GNPDA2: variants seen among roughly 807,000 people sequenced by gnomAD.
The protein encoded by GNPDA2 is glcN6P deaminase 2.
A neutral mutation model predicts 27.0 loss-of-function variants in GNPDA2; 24 were observed. The observed-to-expected ratio is 0.89, with a 90% CI of 0.64 to 1.25. GNPDA2 has a LOEUF of 1.25. Ranked by LOEUF, GNPDA2 falls within the 50% of genes most tolerant of loss-of-function variation. The pLI, the probability that GNPDA2 is intolerant of heterozygous loss-of-function variation, is 0.00. For missense variants in GNPDA2, 286 were observed against 335.1 expected, an observed-to-expected ratio of 0.85 and a Z score of 1.14; for synonymous variants, 94 against 108.4, an observed-to-expected ratio of 0.87 and a Z score of 0.83.
Position 44,702,651 on chromosome 4 carries a change from T to G in GNPDA2, c.*430A>C, listed in dbSNP as rs891960703. On this transcript the variant is annotated 3_prime_UTR_variant, in exon 7 of 7. Coordinates refer to ENST00000295448, the MANE Select transcript of GNPDA2 (RefSeq NM_138335.3). ...GCATGTGTGTGATGCACAGAAAATA[T>G]AAAGATTGCATTCCAAAAGTGAAGG... 2.0e-6 allele frequency: 2 copies of G among 1,014,020 alleles called. No homozygotes were observed. The highest frequency in any genetic ancestry group is 1.2e-6 in the Non-Finnish European group (1 of 849,720). 62.8% of individuals were successfully genotyped at this position (1,014,020 alleles called of 1,614,324 possible).
chr4:44,714,732 A>G, intron 4 of GNPDA2: 1 of 860,464 alleles, frequency 1.2e-6, no homozygotes, highest in African/African-American at 1.8e-5. Context: ...TGATAAACCT[A>G]GATCAACAAA....
chr4:44,704,248 T>TG, intron 6 of GNPDA2: 2 of 984,668 alleles, frequency 2.0e-6, no homozygotes, highest in East Asian at 2.3e-4. Flanking sequence ...TACTTGAAGG[T>TG]CACCTGAAAC....
chr4:44,713,120 G>A (rs775998924), intron 4 of GNPDA2, among the ~76,000 whole-genome samples: 17 of 152,266 alleles, frequency 1.1e-4, no homozygotes, highest in Middle Eastern at 3.4e-3. Flanking sequence ...TGGTCAGCTC[G>A]GTATAGTTTA....
At chr4:44,712,912 A>T (rs915526063) in intron 4 of GNPDA2, among the ~76,000 whole-genome samples, 38 of 152,200 alleles carry the variant, frequency 2.5e-4, no homozygotes, top group African/African-American at 8.4e-4. Context: ...CACCTCTATG[A>T]AACATCTCTA....
At chr4:44,717,656 A>G (rs1015948078) in intron 3 of GNPDA2, among the ~76,000 whole-genome samples, 4 of 151,852 alleles carry the variant, frequency 2.6e-5, no homozygotes, top group Admixed American at 1.3e-4. Flanking sequence ...TAACCAATGA[A>G]ATTGACTTAC....
At chr4:44,714,681 T>C (rs1383971567) in intron 4 of GNPDA2, 1 of 984,674 alleles carries the variant, frequency 1.0e-6, no homozygotes, top group African/African-American at 1.7e-5. Flanking sequence ...GAAGGGTAGT[T>C]GTAAGACCCA....
At chr4:44,719,707 T>C (rs1717548619) in intron 2 of GNPDA2, among the ~76,000 whole-genome samples, 1 of 151,746 alleles carries the variant, frequency 6.6e-6, no homozygotes, top group South Asian at 2.1e-4. Context: ...TAAGGATATA[T>C]GAATAAAAAG....
At position 44,703,008 on chromosome 4, in the gene GNPDA2, A is replaced by G. The variant is rs1716366305; in HGVS notation, c.*73T>C. On this transcript the variant is annotated 3_prime_UTR_variant, in exon 7 of 7. Transcript: ENST00000295448. ...AATTCCCCATGTTTTGTCATATTGCATAGCTGAAAATTCATCTACTACTTA... is the reference window on the plus strand; with the variant it reads ...AATTCCCCATGTTTTGTCATATTGCGTAGCTGAAAATTCATCTACTACTTA... 6.3e-7 allele frequency: 1 copy of G among 1,590,266 alleles called. No individual in the cohort carries two copies. The highest frequency in any genetic ancestry group is 8.5e-7 in the Non-Finnish European group (1 of 1,173,258).
intron 4 of GNPDA2, among the ~76,000 whole-genome samples, chr4:44,715,690 CT>C (rs1406731960): frequency 6.6e-6 from 1 of 152,002 alleles, no homozygotes; most frequent in South Asian, 2.1e-4. Context: ...TGCAAATGTT[CT>C]CTAGGATTAC....
chr4:44,711,980 T>G (rs1364292454), intron 4 of GNPDA2, among the ~76,000 whole-genome samples: 1 of 152,068 alleles, frequency 6.6e-6, no homozygotes, highest in Non-Finnish European at 1.5e-5. Context: ...CTATATTGAT[T>G]TTATGATATA....
At chr4:44,706,346 T>G (rs1274472478) in intron 6 of GNPDA2, 1 of 151,914 alleles carries the variant, frequency 6.6e-6, no homozygotes, top group Non-Finnish European at 1.5e-5. Context: ...AAATTATGAT[T>G]TATGTACTTA....
At position 44,711,049 on chromosome 4, in the gene GNPDA2, G is replaced by A. The variant is rs746268915; in HGVS notation, c.498C>T (p.Thr166=). Residue 166 remains threonine, a synonymous_variant, in exon 5 of 7, where the codon ACC becomes ACT. Transcript: ENST00000295448. ...RTRLKTLAMD[T]ILANAKYFDG... ...CAAAATATTTGGCATTTGCCAAGAT[G>A]GTATCCATTGCTAGAGTCTTTAATC... 6.2e-7 allele frequency: 1 copy of A among 1,612,990 alleles called. No homozygotes were observed.
At chr4:44,714,654 C>A in intron 4 of GNPDA2, 1 of 984,968 alleles carries the variant, frequency 1.0e-6, no homozygotes, top group Non-Finnish European at 1.2e-6. Flanking sequence ...TTTTATTAAC[C>A]AAACCCTGGA....
chr4:44,719,781 A>C (rs1048651690), intron 2 of GNPDA2, among the ~76,000 whole-genome samples: 16 of 152,034 alleles, frequency 1.1e-4, no homozygotes, highest in Non-Finnish European at 7.4e-5. Flanking sequence ...GGCCAAAAAA[A>C]AAGACTGAAG....
chr4:44,714,047 C>T (rs2109708264), intron 4 of GNPDA2, among the ~76,000 whole-genome samples: 1 of 152,270 alleles, frequency 6.6e-6, no homozygotes, highest in East Asian at 1.9e-4. Context: ...TATCAGCTCA[C>T]CACAACCTCG....
At chr4:44,712,110 G>A (rs935296536) in intron 4 of GNPDA2, among the ~76,000 whole-genome samples, 1 of 151,982 alleles carries the variant, frequency 6.6e-6, no homozygotes, top group African/African-American at 2.4e-5. Flanking sequence ...GAAGGAAATG[G>A]AAGGTAATTC....
At position 44,710,954 on chromosome 4, in the gene GNPDA2, T is replaced by G; in HGVS notation, c.593A>C (p.Glu198Ala). The G allele has an allele frequency of 2.5e-6, 4 of 1,584,602 alleles. No homozygotes were observed. The highest frequency in any genetic ancestry group is 3.4e-6 in the Non-Finnish European group (4 of 1,168,790). Residue 198 changes from glutamate to alanine, a missense_variant and splice_region_variant, in exon 5 of 7, where the codon GAA (glutamate) becomes GCA (alanine). By Grantham distance (107) the Glu-to-Ala change is moderately radical. Transcript: ENST00000295448. The stretch of plus-strand genomic sequence containing the variant: ...CAGCAAAGAATATTTAATGCTTACT[T>G]CTCTAGCATCCATCACTGTCCCCAC... ...VGVGTVMDAR[E>A]VMILITGAHK...
At chr4:44,724,555 T>C (rs566358367) in intron 1 of GNPDA2, among the ~76,000 whole-genome samples, 6 of 140,612 alleles carry the variant, frequency 4.3e-5, no homozygotes, top group Non-Finnish European at 8.0e-5. Flanking sequence ...CCATAATTCT[T>C]AGATTTTTAA....
At chr4:44,708,221 T>C (rs1191406201) in intron 5 of GNPDA2, among the ~76,000 whole-genome samples, 1 of 151,934 alleles carries the variant, frequency 6.6e-6, no homozygotes, top group African/African-American at 2.4e-5. Flanking sequence ...CCTGGGACAA[T>C]GAAGAAAAAG....
Sources: allele counts gnomAD v4.1 joint callset (sites outside exome capture counted in the v4.1 genomes callset), GRCh38; gene constraint gnomAD v4.1.1; transcripts MANE v1.5; gene names NCBI Gene and HGNC (gene_info 2026-07-23, HGNC 2026-07-21).